Variants in CAMTA1 observed in about 807,000 individuals in gnomAD.
The protein encoded by CAMTA1 is calmodulin-binding transcription activator 1.
In CAMTA1, 27 loss-of-function variants were observed where a neutral mutation model predicts 170.9. That is an observed-to-expected ratio of 0.16 (90% CI 0.12 to 0.22). The LOEUF (loss-of-function observed/expected upper bound fraction) is 0.22. Among genes scored for constraint, CAMTA1 ranks in the 10% least tolerant of loss-of-function variants. The pLI is 1.00. For missense variants in CAMTA1, 1,619 were observed against 2,217.2 expected (o/e 0.73, Z 5.42); for synonymous variants, 833 against 891.5 (o/e 0.93, Z 1.17).
chr1:6,871,809 T>G (rs1307518711), intron 3 of CAMTA1: 1 of 1,529,534 alleles, frequency 6.5e-7, no homozygotes, highest in East Asian at 2.5e-5. Context: ...GTGTGACCCT[T>G]CACCTTTGAT....
rs535964060 is a variant in CAMTA1, at chr1:7,296,996, AAT to A, written c.438+47371_438+47372del. On this transcript the variant is annotated intron_variant, in intron 5 of 22. Transcript: ENST00000303635. ...GAAGAGGGGCTTCCAAGAAGGAGGAAATGGTTAGCTGTGCCAAATGCTTGGTG... is the reference window on the plus strand; with the variant it reads ...GAAGAGGGGCTTCCAAGAAGGAGGAAGGTTAGCTGTGCCAAATGCTTGGTG... Among the ~76,000 whole-genome samples, 33 of 152,308 alleles carry A rather than the reference AAT, an allele frequency of 2.2e-4. No individual in the cohort carries two copies. In the South Asian group the frequency reaches 3.3e-3, roughly 15 times the overall value.
chr1:7,270,240 T>C (rs1275137029), intron 5 of CAMTA1, among the ~76,000 whole-genome samples: 25,385 of 73,606 alleles, frequency 0.34, 2,584 homozygotes, highest in East Asian at 0.48. Context: ...TACACATATA[T>C]ACATACACAC....
chr1:6,970,329 C>T lies in CAMTA1; in HGVS notation c.235-120975C>T, dbSNP rs990545230. 5.9e-5 allele frequency among the ~76,000 whole-genome samples: 9 copies of T among 152,134 alleles called. No individual in the cohort carries two copies. The highest frequency in any genetic ancestry group is 1.3e-4 in the Non-Finnish European group (9 of 68,022). On this transcript the variant is annotated intron_variant, in intron 3 of 22. Coordinates refer to ENST00000303635, the MANE Select transcript of CAMTA1 (RefSeq NM_015215.4). The surrounding 1 kb of genome is among the most constrained non-coding windows in gnomAD (Gnocchi z 4.4). The stretch of plus-strand genomic sequence containing the variant: ...GACCTTATGTCCTGCTTTGCTTGCA[C>T]GACGTGCCATAAGCATCCTCCATAT...
At chr1:7,398,886 T>C (rs79106023) in intron 5 of CAMTA1, among the ~76,000 whole-genome samples, 6 of 152,348 alleles carry the variant, frequency 3.9e-5, no homozygotes, top group East Asian at 1.9e-4. Flanking sequence ...AAGTTGATAA[T>C]AACTTATCTT....
At chr1:7,607,974 G>A (rs1022083093) in intron 6 of CAMTA1, among the ~76,000 whole-genome samples, 1 of 152,198 alleles carries the variant, frequency 6.6e-6, no homozygotes, top group African/African-American at 2.4e-5. Context: ...TGTAGTAGAA[G>A]GTGTCCTTGT....
intron 5 of CAMTA1, among the ~76,000 whole-genome samples, chr1:7,464,642 T>G (rs2093168579): frequency 6.6e-6 from 1 of 152,124 alleles, no homozygotes; most frequent in Non-Finnish European, 1.5e-5. Flanking sequence ...TGGCTGCTTT[T>G]CCTGCTGCTG....
intron 4 of CAMTA1, among the ~76,000 whole-genome samples, chr1:7,196,084 G>A (rs1024966727): frequency 6.6e-6 from 1 of 152,164 alleles, no homozygotes; most frequent in African/African-American, 2.4e-5. Context: ...TTGAATGAGA[G>A]GAGGGGCCTG....
chr1:7,655,161 T>C (rs565172445), intron 7 of CAMTA1, among the ~76,000 whole-genome samples: 58 of 88,890 alleles, frequency 6.5e-4, no homozygotes, highest in Admixed American at 1.7e-3. Context: ...CACACACCTA[T>C]ACACACCCAC....
intron 3 of CAMTA1, among the ~76,000 whole-genome samples, chr1:6,883,291 G>C (rs1243794538): frequency 1.3e-5 from 2 of 152,190 alleles, no homozygotes; most frequent in Non-Finnish European, 2.9e-5. Context: ...TTGGTAGCGG[G>C]GCGATCGTTG....
intron 6 of CAMTA1, among the ~76,000 whole-genome samples, chr1:7,487,148 A>G (rs1261303888): frequency 6.6e-6 from 1 of 152,170 alleles, no homozygotes; most frequent in African/African-American, 2.4e-5. Context: ...TCTGTCTCCC[A>G]TCTATGCGTC....
At chr1:6,810,258 C>T (rs1422207227) in intron 1 of CAMTA1, among the ~76,000 whole-genome samples, 2 of 152,136 alleles carry the variant, frequency 1.3e-5, no homozygotes, top group Non-Finnish European at 2.9e-5. Context: ...TCCAGGCTCC[C>T]TTGGCCATTT....
intron 4 of CAMTA1, among the ~76,000 whole-genome samples, chr1:7,157,291 G>C (rs1336797143): frequency 7.3e-6 from 1 of 136,654 alleles, no homozygotes; most frequent in African/African-American, 2.7e-5. Flanking sequence ...CTTGCAGTGA[G>C]CTGAGATCGC....
In CAMTA1 at chr1:6,856,944, A is replaced by G. The variant is rs141527451; in HGVS notation, c.234+31734A>G. Among the ~76,000 whole-genome samples, 127 of 152,166 alleles carry G rather than the reference A, an allele frequency of 8.3e-4. 1 individual carries two copies. Among genetic ancestry groups the G allele is most frequent in the African/African-American group, 3.0e-3 (124 of 41,506 alleles). On this transcript the variant is annotated intron_variant, in intron 3 of 22. Coordinates refer to ENST00000303635, the MANE Select transcript of CAMTA1 (RefSeq NM_015215.4). ...CTCTAGAGGGTAGGGGGAGGTAGAG[A>G]GTGGCAGGAGAAGAGGCCACAGCAG...
At position 7,050,708 on chromosome 1, in the gene CAMTA1, T is replaced by G. The variant is rs1572696057; in HGVS notation, c.235-40596T>G. 6.8e-6 allele frequency among the ~76,000 whole-genome samples: 1 copy of G among 147,496 alleles called. No homozygotes were observed. Among genetic ancestry groups the G allele is most frequent in the Admixed American group, 6.8e-5 (1 of 14,690 alleles). On this transcript the variant is annotated intron_variant, in intron 3 of 22. Coordinates refer to ENST00000303635, the MANE Select transcript of CAMTA1 (RefSeq NM_015215.4). This position sits in a 1 kb window ranked among gnomAD's most constrained non-coding sequence, Gnocchi z 4.8. ...CAATTTGTGGAGGCAATGGTGGGGG[T>G]AGGGTGGGTGGAGGAGAGAGTATGG...
rs560574287 is a variant in CAMTA1, at chr1:7,064,136, C to G, written c.235-27168C>G. The stretch of plus-strand genomic sequence containing the variant: ...CCTCCTCCTCCTTCTTCTTCTCCTC[C>G]TCCTCCTTCTCTTCTTCCCTCCTCC... On this transcript the variant is annotated intron_variant, in intron 3 of 22. Transcript: ENST00000303635. The surrounding 1 kb of genome is among the most constrained non-coding windows in gnomAD (Gnocchi z 5.4). 6.6e-6 allele frequency among the ~76,000 whole-genome samples: 1 copy of G among 151,004 alleles called. No individual in the cohort carries two copies. The highest frequency in any genetic ancestry group is 2.4e-5 in the African/African-American group (1 of 41,098).
intron 5 of CAMTA1, among the ~76,000 whole-genome samples, chr1:7,419,125 TC>T (rs2091393576): frequency 6.6e-6 from 1 of 152,220 alleles, no homozygotes; most frequent in Admixed American, 6.5e-5. Flanking sequence ...AGCACTTTCT[TC>T]CCTTCCCGAA....
At chr1:7,400,441 A>G (rs935137625) in intron 5 of CAMTA1, among the ~76,000 whole-genome samples, 2 of 152,032 alleles carry the variant, frequency 1.3e-5, no homozygotes, top group African/African-American at 4.8e-5. Context: ...TTCCCTTAAG[A>G]TAATTATATT....
intron 6 of CAMTA1, among the ~76,000 whole-genome samples, chr1:7,579,331 A>G (rs2095235110): frequency 6.6e-6 from 1 of 152,196 alleles, no homozygotes; most frequent in Admixed American, 6.5e-5. Context: ...GTGCCACAGC[A>G]ACAACCGTCA....
intron 3 of CAMTA1, among the ~76,000 whole-genome samples, chr1:6,872,472 C>T (rs1294871827): frequency 1.3e-5 from 2 of 152,136 alleles, no homozygotes; most frequent in South Asian, 2.1e-4. Context: ...TCACCTTTCC[C>T]CACTCTTTTA....
Sources: gnomAD v4.1 joint callset for allele counts (sites outside exome capture counted in the v4.1 genomes callset) on GRCh38, gnomAD v4.1.1 for gene constraint, Gnocchi (gnomAD v3.1) non-coding constraint, MANE v1.5 for transcripts, NCBI Gene and HGNC (gene_info 2026-07-23, HGNC 2026-07-21) for gene names.